AOAH: variants seen among roughly 807,000 people sequenced by gnomAD.
AOAH encodes acyloxyacyl hydrolase.
A neutral mutation model predicts 92.2 loss-of-function variants in AOAH; 64 were observed. The observed-to-expected ratio is 0.69, with a 90% CI of 0.57 to 0.86. AOAH has a LOEUF of 0.86. AOAH is among the 40% of genes least tolerant of loss of function. The pLI, the probability that AOAH is intolerant of heterozygous loss-of-function variation, is 0.00. For missense variants in AOAH, 656 were observed against 694.6 expected (o/e 0.94, Z 0.62); for synonymous variants, 263 against 254.5 (o/e 1.03, Z -0.32).
At chr7:36,672,888 CATGT>C (rs1181864127) in intron 3 of AOAH, among the ~76,000 whole-genome samples, 1 of 151,830 alleles carries the variant, frequency 6.6e-6, no homozygotes, top group African/African-American at 2.4e-5. Flanking sequence ...TTTATAATAA[CATGT>C]ATTATATGAT....
intron 12 of AOAH, among the ~76,000 whole-genome samples, chr7:36,580,339 C>T (rs946538601): frequency 2.0e-5 from 3 of 152,044 alleles, no homozygotes; most frequent in Admixed American, 6.5e-5. Context: ...CTATGAATGT[C>T]GTCTGCTATT....
intron 1 of AOAH, among the ~76,000 whole-genome samples, chr7:36,719,448 T>G (rs1165612347): frequency 6.6e-6 from 1 of 152,164 alleles, no homozygotes; most frequent in East Asian, 1.9e-4. Flanking sequence ...TTCATAAAAA[T>G]GGATGAAACC....
intron 4 of AOAH, among the ~76,000 whole-genome samples, chr7:36,642,972 G>A (rs923221065): frequency 3.9e-5 from 6 of 152,186 alleles, no homozygotes; most frequent in African/African-American, 1.4e-4. Context: ...AGATAATAGC[G>A]TTGTGAGGAT....
At chr7:36,618,242 C>A in intron 10 of AOAH, 55 bp downstream of exon 10, 1 of 1,550,428 alleles carries the variant, frequency 6.4e-7, no homozygotes, top group South Asian at 1.1e-5. Context: ...CAATTTGACT[C>A]AAACTAGAAA....
rs200327644 is a variant in AOAH, at chr7:36,623,237, A to C, written c.535T>G (p.Ser179Ala). The part of the protein sequence containing the change: ...CQKIKLAMEQ[S>A]VPFKDVDSDK... Reference sequence around the variant, plus strand: ...GAATCCACATCTTTGAATGGCACAGACTGTTCCATAGCTCTAGGAAAAAGA... The same window carrying C: ...GAATCCACATCTTTGAATGGCACAGCCTGTTCCATAGCTCTAGGAAAAAGA... Residue 179 changes from serine (S) to alanine (A), a missense_variant, in exon 7 of 21, where the codon TCT becomes GCT. Transcript: ENST00000617537. 105 of 1,614,022 alleles carry C rather than the reference A, an allele frequency of 6.5e-5. No homozygotes were observed. In the East Asian group the frequency reaches 2.3e-3, roughly 36 times the overall value.
chr7:36,596,396 C>T (rs1015160654), intron 11 of AOAH, among the ~76,000 whole-genome samples: 4 of 152,004 alleles, frequency 2.6e-5, no homozygotes, highest in Admixed American at 1.3e-4. Flanking sequence ...TTATGTTTCT[C>T]GAAAAGATGT....
chr7:36,646,852 A>C (rs1308798616), intron 4 of AOAH, among the ~76,000 whole-genome samples: 2 of 152,180 alleles, frequency 1.3e-5, no homozygotes, highest in African/African-American at 4.8e-5. Context: ...AGGCTTACCC[A>C]GATAATCCAG....
chr7:36,690,751 C>T (rs1797345555), intron 1 of AOAH, among the ~76,000 whole-genome samples: 1 of 152,174 alleles, frequency 6.6e-6, no homozygotes, highest in African/African-American at 2.4e-5. Flanking sequence ...AATCTCTTCT[C>T]ACCTGGTATC....
chr7:36,539,076 CA>C (rs1448467803), intron 16 of AOAH, among the ~76,000 whole-genome samples: 1 of 152,070 alleles, frequency 6.6e-6, no homozygotes, highest in East Asian at 1.9e-4. Context: ...AGGAAGAGGA[CA>C]AGAGAAGACT....
chr7:36,617,504 T>C (rs1791984523), intron 10 of AOAH, among the ~76,000 whole-genome samples: 1 of 152,254 alleles, frequency 6.6e-6, no homozygotes, highest in Non-Finnish European at 1.5e-5. Context: ...GCAAAGACTA[T>C]ATACTTTTTG....
At chr7:36,607,954 T>C (rs1157105895) in intron 11 of AOAH, among the ~76,000 whole-genome samples, 1 of 152,226 alleles carries the variant, frequency 6.6e-6, no homozygotes, top group African/African-American at 2.4e-5. Flanking sequence ...GTGCATTCTC[T>C]GCACTCCACT....
intron 4 of AOAH, among the ~76,000 whole-genome samples, chr7:36,652,760 C>T (rs900443875): frequency 1.3e-5 from 2 of 152,126 alleles, no homozygotes; most frequent in East Asian, 1.9e-4. Context: ...AACATTTTAC[C>T]GACGTACTTA....
At chr7:36,513,482 G>T in intron 20 of AOAH, 102 bp from the exon 21 acceptor site, 1 of 1,213,230 alleles carries the variant, frequency 8.2e-7, no homozygotes, top group Non-Finnish European at 1.2e-6. Context: ...CCTCTAGGAT[G>T]GCCCCATGAC....
At chr7:36,583,410 T>G (rs1220023792) in intron 12 of AOAH, among the ~76,000 whole-genome samples, 1 of 152,160 alleles carries the variant, frequency 6.6e-6, no homozygotes, top group Non-Finnish European at 1.5e-5. Flanking sequence ...GGAGATAGAT[T>G]AAAGACCTTT....
At chr7:36,646,119 A>T (rs1794208316) in intron 4 of AOAH, among the ~76,000 whole-genome samples, 1 of 152,222 alleles carries the variant, frequency 6.6e-6, no homozygotes, top group Non-Finnish European at 1.5e-5. Context: ...CTTAAAGTTC[A>T]CACCATAGAG....
chr7:36,550,114 G>A (rs1786108079), intron 13 of AOAH: 1 of 151,762 alleles, frequency 6.6e-6, no homozygotes, highest in Non-Finnish European at 1.5e-5. Flanking sequence ...CAGCACTTTG[G>A]GAAGCTGAGG....
At chr7:36,666,625 T>C (rs1795552212) in intron 3 of AOAH, among the ~76,000 whole-genome samples, 1 of 152,068 alleles carries the variant, frequency 6.6e-6, no homozygotes, top group Non-Finnish European at 1.5e-5. Flanking sequence ...TTTACTTTGC[T>C]CTTCATTTTC....
At chr7:36,588,947 A>G (rs1160627564) in intron 12 of AOAH, among the ~76,000 whole-genome samples, 3 of 152,236 alleles carry the variant, frequency 2.0e-5, no homozygotes, top group Non-Finnish European at 4.4e-5. Flanking sequence ...TATGCTGACT[A>G]CAGATCTCAG....
chr7:36,548,383 A>G (rs1785943534), intron 15 of AOAH, among the ~76,000 whole-genome samples: 2 of 152,056 alleles, frequency 1.3e-5, no homozygotes, highest in African/African-American at 2.4e-5. Context: ...ACGGGGTTTC[A>G]CCATGTTGGC....
Sources: gnomAD v4.1 joint callset for allele counts (sites outside exome capture counted in the v4.1 genomes callset) on GRCh38, gnomAD v4.1.1 for gene constraint, MANE v1.5 for transcripts, NCBI Gene and HGNC (gene_info 2026-07-23, HGNC 2026-07-21) for gene names.